The following HEMK1 variants were observed in gnomAD, a reference collection of about 807,000 sequenced individuals.
HEMK1 encodes the protein HemK methyltransferase 1, mitochondrial release factors N(5)-glutamine.
Under a neutral mutation model 47.9 loss-of-function variants are expected in HEMK1, and 36 were observed. The ratio of observed to expected loss-of-function variants is 0.75; its 90% CI spans 0.58 to 0.99. The LOEUF (loss-of-function observed/expected upper bound fraction) is 0.99. Ranked by LOEUF, HEMK1 falls within the 50% of genes least tolerant of loss-of-function variation. The pLI, the probability that HEMK1 is intolerant of heterozygous loss-of-function variation, is 0.00. For missense variants in HEMK1, 383 were observed against 434.5 expected (o/e 0.88, Z 1.05); for synonymous variants, 153 against 165.4 (o/e 0.93, Z 0.57).
Position 50,572,121 on chromosome 3 carries a change from G to A in HEMK1, c.327G>A (p.Pro109=), listed in dbSNP as rs1425041936. ...ELSSRRLQRM[P]VQYILGEWDF... The stretch of plus-strand genomic sequence containing the variant: ...CCAGCTGCCCCCTCTGCAGGATGCC[G>A]GTGCAGTACATCCTTGGAGAGTGGG... The change falls in exon 4 of 11, where the codon CCG becomes CCA. Residue 109 remains proline, a synonymous_variant. Transcript: ENST00000232854. 1.3e-5 allele frequency: 21 copies of A among 1,613,758 alleles called. No homozygotes were observed. The highest frequency in any genetic ancestry group is 1.6e-4 in the Middle Eastern group (1 of 6,084).
In HEMK1 at chr3:50,580,112, G is replaced by A. The variant is rs757010773; in HGVS notation, c.867-4G>A. On this transcript the variant is annotated splice_region_variant and splice_polypyrimidine_tract_variant and intron_variant, in intron 9 of 10. Coordinates refer to ENST00000232854, the MANE Select transcript of HEMK1 (RefSeq NM_016173.5). Reference sequence around the variant, plus strand: ...CTGAGCCCACCCATTTCTCCCCCATGTAGTAGTATCTTCTTAGAAGTGGAC... The same window carrying A: ...CTGAGCCCACCCATTTCTCCCCCATATAGTAGTATCTTCTTAGAAGTGGAC... The A allele has an allele frequency of 1.2e-6, 2 of 1,612,102 alleles. No homozygotes were observed. Among genetic ancestry groups the A allele is most frequent in the Non-Finnish European group, 1.7e-6 (2 of 1,178,164 alleles).
chr3:50,591,475 A>T lies in HEMK1; in HGVS notation c.*11058A>T, dbSNP rs1371917121. On this transcript the variant is annotated 3_prime_UTR_variant, in exon 11 of 11. Transcript: ENST00000232854. Reference sequence around the variant, plus strand: ...TCACATGTACACAGCATAGAGACTCACACACCCTTGCACAGGCACCCACAC... The same window carrying T: ...TCACATGTACACAGCATAGAGACTCTCACACCCTTGCACAGGCACCCACAC... 6.6e-6 allele frequency: 1 copy of T among 152,282 alleles called. No homozygotes were observed. The highest frequency in any genetic ancestry group is 1.5e-5 in the Non-Finnish European group (1 of 68,122). The allele number at this position is 152,282 out of a possible 1,614,324, so 9.4% of individuals were successfully genotyped here. A position where few individuals can be genotyped will look rare whatever the true frequency, so the allele number is the denominator to read the frequency against.
chr3:50,593,643 T>G lies in HEMK1; in HGVS notation c.*13226T>G, dbSNP rs768804285. 2 of 152,246 alleles carry G rather than the reference T, an allele frequency of 1.3e-5. No homozygotes were observed. The highest frequency in any genetic ancestry group is 3.2e-3 in the Middle Eastern group (1 of 316). 9.4% of individuals were successfully genotyped at this position (152,246 alleles called of 1,614,324 possible). On this transcript the variant is annotated 3_prime_UTR_variant, in exon 11 of 11. Coordinates refer to ENST00000232854, the MANE Select transcript of HEMK1 (RefSeq NM_016173.5). ...ATCTTATAACTGGACACCTTTTTGTTTTCTCTTACAAGATGTGCTTGTTGT... is the reference window on the plus strand; with the variant it reads ...ATCTTATAACTGGACACCTTTTTGTGTTCTCTTACAAGATGTGCTTGTTGT...
At chr3:50,578,009 C>T (rs1176864930) in intron 7 of HEMK1, 134 bp downstream of exon 7, 9 of 814,424 alleles carry the variant, frequency 1.1e-5, no homozygotes, top group South Asian at 5.6e-5. Flanking sequence ...CACACATACA[C>T]GTGTGTGTGT....
At position 50,590,763 on chromosome 3, in the gene HEMK1, G is replaced by GAGC. The variant is rs1352448527; in HGVS notation, c.*10347_*10349dup. 2 of 152,134 alleles carry GAGC rather than the reference G, an allele frequency of 1.3e-5. No individual in the cohort carries two copies. The highest frequency in any genetic ancestry group is 2.9e-5 in the Non-Finnish European group (2 of 68,046). The allele number at this position is 152,134 out of a possible 1,614,324, so 9.4% of individuals were successfully genotyped here. A position where few individuals can be genotyped will look rare whatever the true frequency, so the allele number is the denominator to read the frequency against. ...CCACATGCTCCTGAAAGGTCCTTGG[G>GAGC]AGCCCCACCAGGCTCCAGTGTGGTT... On this transcript the variant is annotated 3_prime_UTR_variant, in exon 11 of 11. Coordinates refer to ENST00000232854, the MANE Select transcript of HEMK1 (RefSeq NM_016173.5).
In HEMK1 at chr3:50,595,839, C is replaced by G. The variant is rs1400808295; in HGVS notation, c.*15422C>G. ...TATTTCTGGGGTGACTCTCTTTCCT[C>G]CAGACCTCTCCTGCAAACAACGCAG... On this transcript the variant is annotated 3_prime_UTR_variant, in exon 11 of 11. Coordinates refer to ENST00000232854, the MANE Select transcript of HEMK1 (RefSeq NM_016173.5). 6.6e-6 allele frequency: 1 copy of G among 152,212 alleles called. No individual in the cohort carries two copies. The highest frequency in any genetic ancestry group is 1.5e-5 in the Non-Finnish European group (1 of 68,040). 9.4% of individuals were successfully genotyped at this position (152,212 alleles called of 1,614,324 possible).
In HEMK1 at chr3:50,581,606, T is replaced by G. The variant is rs2030817823; in HGVS notation, c.*1189T>G. ...CAACGCCAACTGGCAACCTCTTTAC[T>G]CTTAGTCAAGTGGAATGTGCATGCT... On this transcript the variant is annotated 3_prime_UTR_variant, in exon 11 of 11. Coordinates refer to ENST00000232854, the MANE Select transcript of HEMK1 (RefSeq NM_016173.5). 6.6e-6 allele frequency: 1 copy of G among 152,276 alleles called. No homozygotes were observed. Among genetic ancestry groups the G allele is most frequent in the African/African-American group, 2.4e-5 (1 of 41,464 alleles). The allele number at this position is 152,276 out of a possible 1,614,324, so 9.4% of individuals were successfully genotyped here.
In HEMK1 at chr3:50,595,359, C is replaced by A. The variant is rs1430365563; in HGVS notation, c.*14942C>A. On this transcript the variant is annotated 3_prime_UTR_variant, in exon 11 of 11. Coordinates refer to ENST00000232854, the MANE Select transcript of HEMK1 (RefSeq NM_016173.5). ...CATTTTCTTGCACCACTTCCCTGAACCGCAGTTCCTACAGAGTGATGTGAT... is the reference window on the plus strand; with the variant it reads ...CATTTTCTTGCACCACTTCCCTGAAACGCAGTTCCTACAGAGTGATGTGAT... 6.6e-6 allele frequency: 1 copy of A among 152,222 alleles called. No individual in the cohort carries two copies. The highest frequency in any genetic ancestry group is 2.4e-5 in the African/African-American group (1 of 41,442). The allele number at this position is 152,222 out of a possible 1,614,324, so 9.4% of individuals were successfully genotyped here.
rs1233684576 is a variant in HEMK1, at chr3:50,577,871, C to T, written c.660C>T (p.Thr220=). The T allele has an allele frequency of 1.2e-6, 2 of 1,613,828 alleles. No homozygotes were observed. ...DRIWIIHLDM[T]SERSWTHLPW... is the part of the protein sequence containing the mutation. ...TTTGGATCATCCACCTCGACATGAC[C>T]TCAGGTACCCTCCCCTGCATGTTCC... The change falls in exon 7 of 11, where the codon ACC becomes ACT. Residue 220 remains threonine (T), a synonymous_variant. Coordinates refer to ENST00000232854, the MANE Select transcript of HEMK1 (RefSeq NM_016173.5).
chr3:50,590,567 G>A lies in HEMK1; in HGVS notation c.*10150G>A, dbSNP rs1303631914. On this transcript the variant is annotated 3_prime_UTR_variant, in exon 11 of 11. Coordinates refer to ENST00000232854, the MANE Select transcript of HEMK1 (RefSeq NM_016173.5). The stretch of plus-strand genomic sequence containing the variant: ...AGACTGTTTCAAAAAAAAAAAAGAG[G>A]AAGAGTGAAAGGATGGACGAAAGGA... 1 of 151,622 alleles carries A rather than the reference G, an allele frequency of 6.6e-6. No individual in the cohort carries two copies. Among genetic ancestry groups the A allele is most frequent in the Non-Finnish European group, 1.5e-5 (1 of 67,932 alleles). 9.4% of individuals were successfully genotyped at this position (151,622 alleles called of 1,614,324 possible).
rs1368409928 is a variant in HEMK1 at position 50,585,215 on chromosome 3, G to A, written c.*4798G>A. On this transcript the variant is annotated 3_prime_UTR_variant, in exon 11 of 11. Transcript: ENST00000232854. ...GGACCAAGCCTGTTCCTGCTCTCCT[G>A]TGGAGTTATGTGACTGGCCCAGGAC... is the stretch of plus-strand genomic sequence containing the variant. The A allele has an allele frequency of 6.6e-6, 1 of 152,292 alleles. No homozygotes were observed. Among genetic ancestry groups the A allele is most frequent in the Non-Finnish European group, 1.5e-5 (1 of 68,102 alleles). The allele number at this position is 152,292 out of a possible 1,614,324, so 9.4% of individuals were successfully genotyped here.
In HEMK1 at chr3:50,585,826, C is replaced by T. The variant is rs903975479; in HGVS notation, c.*5409C>T. 4 of 152,226 alleles carry T rather than the reference C, an allele frequency of 2.6e-5. No homozygotes were observed. The highest frequency in any genetic ancestry group is 6.5e-5 in the Admixed American group (1 of 15,284). The allele number at this position is 152,226 out of a possible 1,614,324, so 9.4% of individuals were successfully genotyped here. A position where few individuals can be genotyped will look rare whatever the true frequency, so the allele number is the denominator to read the frequency against. On this transcript the variant is annotated 3_prime_UTR_variant, in exon 11 of 11. Coordinates refer to ENST00000232854, the MANE Select transcript of HEMK1 (RefSeq NM_016173.5). ...TTTTCCCAGAGAGGGATGGGGCTTA[C>T]TTGAAGTAACACAGCACTTGACTCC...
chr3:50,577,821 T>C lies in HEMK1; in HGVS notation c.615-5T>C. ...GTGCCTACCCCTTTCTCCCTGTCTG[T>C]GTAGGCTTCGGTTGCAGGACAGGAT... On this transcript the variant is annotated splice_region_variant and splice_polypyrimidine_tract_variant and intron_variant, in intron 6 of 10. Transcript: ENST00000232854. 6.2e-7 allele frequency: 1 copy of C among 1,614,018 alleles called. No individual in the cohort carries two copies. Among genetic ancestry groups the C allele is most frequent in the Non-Finnish European group, 8.5e-7 (1 of 1,179,960 alleles).
chr3:50,579,440 C>G (rs1235707529), intron 8 of HEMK1, among the ~76,000 whole-genome samples: 3 of 152,292 alleles, frequency 2.0e-5, no homozygotes, highest in Middle Eastern at 6.8e-3. Flanking sequence ...CCCAGGAGTC[C>G]TGGATGGGGC....
Position 50,581,789 on chromosome 3 carries a change from C to G in HEMK1, c.*1372C>G, listed in dbSNP as rs947082168. ...TACCCAGCCTAAGTGTTGCCCTGCA[C>G]TATGGCTGGAGGACACATTTGGTAG... is the stretch of plus-strand genomic sequence containing the variant. On this transcript the variant is annotated 3_prime_UTR_variant, in exon 11 of 11. Transcript: ENST00000232854. 1.3e-5 allele frequency: 2 copies of G among 152,318 alleles called. No homozygotes were observed. The highest frequency in any genetic ancestry group is 3.8e-4 in the East Asian group (2 of 5,196). 9.4% of individuals were successfully genotyped at this position (152,318 alleles called of 1,614,324 possible).
At position 50,586,819 on chromosome 3, in the gene HEMK1, C is replaced by G. The variant is rs1425729232; in HGVS notation, c.*6402C>G. 6.6e-6 allele frequency: 1 copy of G among 152,270 alleles called. No homozygotes were observed. The highest frequency in any genetic ancestry group is 1.5e-5 in the Non-Finnish European group (1 of 68,114). The allele number at this position is 152,270 out of a possible 1,614,324, so 9.4% of individuals were successfully genotyped here. ...CCCACCCCACCTGGCTTTCCAGGAA[C>G]AGGCCTGCCTGCCTGGAGAGGCGTC... On this transcript the variant is annotated 3_prime_UTR_variant, in exon 11 of 11. Coordinates refer to ENST00000232854, the MANE Select transcript of HEMK1 (RefSeq NM_016173.5).
At position 50,581,397 on chromosome 3, in the gene HEMK1, C is replaced by G. The variant is rs552398349; in HGVS notation, c.*980C>G. 1 of 151,098 alleles carries G rather than the reference C, an allele frequency of 6.6e-6. No homozygotes were observed. The highest frequency in any genetic ancestry group is 1.5e-5 in the Non-Finnish European group (1 of 68,058). The allele number at this position is 151,098 out of a possible 1,614,324, so 9.4% of individuals were successfully genotyped here. On this transcript the variant is annotated 3_prime_UTR_variant, in exon 11 of 11. Transcript: ENST00000232854. ...TGGCAAACCAGGCTGTCTCATTCCA[C>G]TAGACTGCCCCCTGCCACCCTGGCA...
rs976070424 is a variant in HEMK1 at position 50,592,491 on chromosome 3, T to A, written c.*12074T>A. The A allele has an allele frequency of 6.6e-6, 1 of 152,302 alleles. No individual in the cohort carries two copies. Among genetic ancestry groups the A allele is most frequent in the Non-Finnish European group, 1.5e-5 (1 of 68,080 alleles). The allele number at this position is 152,302 out of a possible 1,614,324, so 9.4% of individuals were successfully genotyped here. On this transcript the variant is annotated 3_prime_UTR_variant, in exon 11 of 11. Transcript: ENST00000232854. ...AGCCTTCCAAATTTTACTCAAATGCTTCTACTTTCTCTGACCCTCTGGAAC... is the reference window on the plus strand; with the variant it reads ...AGCCTTCCAAATTTTACTCAAATGCATCTACTTTCTCTGACCCTCTGGAAC...
At chr3:50,572,044 A>G in intron 3 of HEMK1, 71 bp from the exon 4 acceptor site, 1 of 1,601,118 alleles carries the variant, frequency 6.2e-7, no homozygotes. Flanking sequence ...CACAAGTGGT[A>G]TCTCAACCCA....
Sources: allele counts gnomAD v4.1 joint callset (sites outside exome capture counted in the v4.1 genomes callset), GRCh38; gene constraint gnomAD v4.1.1; transcripts MANE v1.5; gene names NCBI Gene and HGNC (gene_info 2026-07-23, HGNC 2026-07-21).